The following MLPH variants were observed in gnomAD, a reference collection of about 807,000 sequenced individuals.
MLPH encodes the protein exophilin-3.
In MLPH, 51 loss-of-function variants were observed where a neutral mutation model predicts 72.1. That is an observed-to-expected ratio of 0.71 (90% CI 0.56 to 0.89). The LOEUF (loss-of-function observed/expected upper bound fraction) is 0.89. Among genes scored for constraint, MLPH ranks in the 40% least tolerant of loss-of-function variants. The pLI, the probability that MLPH is intolerant of heterozygous loss-of-function variation, is 0.00. For missense variants in MLPH, 743 were observed against 759.9 expected (o/e 0.98, Z 0.26); for synonymous variants, 301 against 310.1 (o/e 0.97, Z 0.31).
chr2:237,537,158 G>A (rs1229660757), intron 9 of MLPH, among the ~76,000 whole-genome samples: 1 of 152,240 alleles, frequency 6.6e-6, no homozygotes, highest in African/African-American at 2.4e-5. Context: ...GGCAAACAAG[G>A]ACGAGTTAGT....
chr2:237,543,035 AGTGAGTGGGGGGACAGTG>A (rs1559373633), intron 12 of MLPH, among the ~76,000 whole-genome samples: 3 of 17,514 alleles, frequency 1.7e-4, no homozygotes, highest in Non-Finnish European at 2.8e-4. Flanking sequence ...GGGGGACAGT[AGTGAGTGGGGGGACAGTG>A]GTGAGTGGGC....
chr2:237,545,838 CA>C, intron 12 of MLPH: 1 of 249,094 alleles, frequency 4.0e-6, no homozygotes, highest in South Asian at 5.9e-5. Context: ...AAGTATACCC[CA>C]TGCAACATTT....
chr2:237,548,223 C>T (rs1471094504), intron 13 of MLPH, among the ~76,000 whole-genome samples: 1 of 152,206 alleles, frequency 6.6e-6, no homozygotes, highest in Non-Finnish European at 1.5e-5. Context: ...CTGGTGGGGG[C>T]GCTTCCACCT....
At chr2:237,551,982 A>G (rs934873022) in intron 14 of MLPH, 3 of 208,012 alleles carry the variant, frequency 1.4e-5, no homozygotes, top group African/African-American at 7.2e-5. Flanking sequence ...TGTCTCAAAA[A>G]AAAAAAAAAG....
At position 237,510,005 on chromosome 2, in the gene MLPH, A is replaced by G. The variant is rs1362755794; in HGVS notation, c.111-569A>G. 1 of 163,888 alleles carries G rather than the reference A, an allele frequency of 6.1e-6. No individual in the cohort carries two copies. The highest frequency in any genetic ancestry group is 1.3e-5 in the Non-Finnish European group (1 of 74,082). The allele number at this position is 163,888 out of a possible 1,614,324, so 10.2% of individuals were successfully genotyped here. On this transcript the variant is annotated intron_variant, in intron 2 of 15. Transcript: ENST00000264605. This position sits in a 1 kb window ranked among gnomAD's most constrained non-coding sequence, Gnocchi z 4.4. ...TCATCTAAGGATACACTTTCCAATC[A>G]GTTCAACTTGGCAGGTTCACCAGGA...
intron 4 of MLPH, among the ~76,000 whole-genome samples, chr2:237,517,824 G>C (rs2080083625): frequency 6.6e-6 from 1 of 151,282 alleles, no homozygotes; most frequent in African/African-American, 2.4e-5. Context: ...TGGATGGGTA[G>C]ATGAATGAAG....
In MLPH at chr2:237,505,483, C is replaced by T. The variant is rs1043798594; in HGVS notation, c.111-5091C>T. Among the ~76,000 whole-genome samples the T allele has an allele frequency of 3.9e-5, 6 of 152,198 alleles. No homozygotes were observed. In the East Asian group the frequency reaches 5.8e-4, roughly 15 times the overall value. ...GGACCCCTCATGCAGGCTCTTCCCCCGCCTGTGTGCTGGACCTTGGGGATG... is the reference window on the plus strand; with the variant it reads ...GGACCCCTCATGCAGGCTCTTCCCCTGCCTGTGTGCTGGACCTTGGGGATG... On this transcript the variant is annotated intron_variant, in intron 2 of 15. Transcript: ENST00000264605. This position sits in a 1 kb window ranked among gnomAD's most constrained non-coding sequence, Gnocchi z 4.5.
intron 2 of MLPH, among the ~76,000 whole-genome samples, chr2:237,503,912 C>A (rs1167445486): frequency 6.6e-6 from 1 of 152,146 alleles, no homozygotes; most frequent in Non-Finnish European, 1.5e-5. Context: ...TTTTAGGCTG[C>A]CCACCTGCTG....
At chr2:237,496,602 C>T (rs1395240373) in intron 2 of MLPH, among the ~76,000 whole-genome samples, 1 of 152,226 alleles carries the variant, frequency 6.6e-6, no homozygotes, top group Non-Finnish European at 1.5e-5. Context: ...TGGTGGGCCG[C>T]TGATGGCCAG....
At chr2:237,528,604 GCC>G (rs2080355042) in intron 8 of MLPH, among the ~76,000 whole-genome samples, 1 of 152,074 alleles carries the variant, frequency 6.6e-6, no homozygotes, top group African/African-American at 2.4e-5. Context: ...CCCCACCTTG[GCC>G]TCCCAAAGTG....
intron 9 of MLPH, among the ~76,000 whole-genome samples, chr2:237,535,640 A>G (rs1294499101): frequency 6.6e-6 from 1 of 152,130 alleles, no homozygotes; most frequent in East Asian, 1.9e-4. Flanking sequence ...AGCAAATATG[A>G]TTAAGTATTG....
At position 237,552,099 on chromosome 2, in the gene MLPH, A is replaced by C. The variant is rs144499403; in HGVS notation, c.1676-238A>C. The C allele has an allele frequency of 5.1e-4, 251 of 494,902 alleles. 2 individuals carry two copies. The East Asian group carries it at 8.9e-3, about 18-fold the overall frequency. 30.7% of individuals were successfully genotyped at this position (494,902 alleles called of 1,614,324 possible). On this transcript the variant is annotated intron_variant, in intron 14 of 15. Coordinates refer to ENST00000264605, the MANE Select transcript of MLPH (RefSeq NM_024101.7). ...TTAGTGTGAGGATTTCCAGGGCCAC[A>C]GTGAGGAAGAATGTTAATGCCAGTG...
At chr2:237,501,388 G>T (rs2079643597) in intron 2 of MLPH, among the ~76,000 whole-genome samples, 1 of 151,286 alleles carries the variant, frequency 6.6e-6, no homozygotes, top group Non-Finnish European at 1.5e-5. Context: ...TTACCCAGCT[G>T]TGATGAATAT....
chr2:237,539,450 T>C (rs1559369167), intron 9 of MLPH, among the ~76,000 whole-genome samples: 1 of 152,204 alleles, frequency 6.6e-6, no homozygotes, highest in East Asian at 1.9e-4. Context: ...AGTTTTACAG[T>C]GTGAGTGACA....
chr2:237,529,889 G>C (rs1256131549), intron 8 of MLPH, among the ~76,000 whole-genome samples: 1 of 152,250 alleles, frequency 6.6e-6, no homozygotes, highest in Non-Finnish European at 1.5e-5. Context: ...GGAATGCCCT[G>C]TGGAGCTTCC....
chr2:237,528,412 G>A (rs936010272), intron 8 of MLPH, among the ~76,000 whole-genome samples: 10 of 151,456 alleles, frequency 6.6e-5, no homozygotes, highest in East Asian at 3.9e-4. Context: ...GTGTAATGGC[G>A]CAATCTCGGC....
intron 1 of MLPH, among the ~76,000 whole-genome samples, chr2:237,489,253 A>G (rs2079381268): frequency 6.6e-6 from 1 of 152,244 alleles, no homozygotes; most frequent in South Asian, 2.1e-4. Flanking sequence ...ACTCATGTCC[A>G]TTTATAAATG....
intron 4 of MLPH, 121 bp from the exon 5 acceptor site, chr2:237,518,418 A>C: frequency 1.3e-6 from 1 of 790,920 alleles, no homozygotes; most frequent in Non-Finnish European, 2.2e-6. Flanking sequence ...TGAATGGATG[A>C]AGGAGGGAGG....
intron 6 of MLPH, among the ~76,000 whole-genome samples, chr2:237,520,535 G>A (rs1377157626): frequency 1.3e-5 from 2 of 152,238 alleles, no homozygotes; most frequent in Non-Finnish European, 2.9e-5. Flanking sequence ...GGCCATCCAG[G>A]TGAACAGGAC....
Sources: gnomAD v4.1 joint callset for allele counts (sites outside exome capture counted in the v4.1 genomes callset) on GRCh38, gnomAD v4.1.1 for gene constraint, Gnocchi (gnomAD v3.1) non-coding constraint, MANE v1.5 for transcripts, NCBI Gene and HGNC (gene_info 2026-07-23, HGNC 2026-07-21) for gene names.